Variants in DCAF12 observed in about 807,000 individuals in gnomAD.
DCAF12 encodes the protein DDB1- and CUL4-associated factor 12.
Under a neutral mutation model 52.8 loss-of-function variants are expected in DCAF12, and 28 were observed. The ratio of observed to expected loss-of-function variants is 0.53; its 90% CI spans 0.39 to 0.73. DCAF12 has a LOEUF of 0.73. DCAF12 is among the 30% of genes least tolerant of loss of function. DCAF12 has a pLI of 0.00. For missense variants in DCAF12, 425 were observed against 552.2 expected (o/e 0.77, Z 2.31); for synonymous variants, 196 against 215.5 (o/e 0.91, Z 0.79).
chr9:34,097,339 G>T (rs1369146075), intron 5 of DCAF12, among the ~76,000 whole-genome samples: 5 of 139,458 alleles, frequency 3.6e-5, no homozygotes, highest in Non-Finnish European at 7.5e-5. Flanking sequence ...TCGGCTCACT[G>T]CCAACCTCCA....
intron 5 of DCAF12, among the ~76,000 whole-genome samples, chr9:34,097,256 CTTTTTTTTTTTT>C (rs999860045): frequency 2.1e-5 from 2 of 94,854 alleles, no homozygotes; most frequent in Admixed American, 1.3e-4. Context: ...TCTGACACTG[CTTTTTTTTTTTT>C]TTTTTTTTTT....
At chr9:34,103,220 G>A (rs1020034799) in intron 4 of DCAF12, among the ~76,000 whole-genome samples, 10 of 150,322 alleles carry the variant, frequency 6.7e-5, no homozygotes, top group Non-Finnish European at 1.5e-4. Flanking sequence ...GACCAACCTG[G>A]CCAACATGTT....
chr9:34,120,877 G>A (rs1426856396), intron 2 of DCAF12, among the ~76,000 whole-genome samples: 1 of 152,000 alleles, frequency 6.6e-6, no homozygotes, highest in African/African-American at 2.4e-5. Flanking sequence ...ACACTGGCCA[G>A]GCAAGGTGGC....
At chr9:34,096,831 G>A (rs768490196) in intron 5 of DCAF12, 50 bp from the exon 6 acceptor site, 1 of 1,538,728 alleles carries the variant, frequency 6.5e-7, no homozygotes, top group South Asian at 1.1e-5. Flanking sequence ...AGCAACTAAT[G>A]TACGATAATA....
chr9:34,108,891 T>A (rs1047399916), intron 2 of DCAF12, among the ~76,000 whole-genome samples: 2 of 149,322 alleles, frequency 1.3e-5, no homozygotes, highest in Non-Finnish European at 3.0e-5. Flanking sequence ...CTCAGGAGGC[T>A]GAGGCATAAG....
intron 7 of DCAF12, among the ~76,000 whole-genome samples, chr9:34,091,751 G>GTGTGCCTT (rs1483979123): frequency 6.6e-6 from 1 of 151,698 alleles, no homozygotes; most frequent in Non-Finnish European, 1.5e-5. Flanking sequence ...GCAATCCACA[G>GTGTGCCTT]TGTGCCTTTT....
chr9:34,108,276 A>G (rs1391632274), intron 2 of DCAF12, among the ~76,000 whole-genome samples: 1 of 152,178 alleles, frequency 6.6e-6, no homozygotes, highest in African/African-American at 2.4e-5. Flanking sequence ...TCCTTCGGAC[A>G]CTCACTTATT....
chr9:34,125,485 T>A, intron 1 of DCAF12: 1 of 643,104 alleles, frequency 1.6e-6, no homozygotes, highest in Non-Finnish European at 2.8e-6. Flanking sequence ...AACTTACCAA[T>A]GTGAATTACA....
Sources: gnomAD v4.1 joint callset for allele counts (sites outside exome capture counted in the v4.1 genomes callset) on GRCh38, gnomAD v4.1.1 for gene constraint, MANE v1.5 for transcripts, NCBI Gene and HGNC (gene_info 2026-07-23, HGNC 2026-07-21) for gene names.